ATP6V1H: variants seen among roughly 807,000 people sequenced by gnomAD.
ATP6V1H encodes the protein ATPase H+ transporting V1 subunit H.
ATP6V1H carries 39 observed loss-of-function variants against 71.7 expected under a neutral mutation model. The observed-to-expected ratio is 0.54, with a 90% CI of 0.42 to 0.71. The LOEUF (loss-of-function observed/expected upper bound fraction) is 0.71, where lower values mean the gene tolerates loss of function less well. Among genes scored for constraint, ATP6V1H ranks in the 30% least tolerant of loss-of-function variants. The pLI is 0.00. For synonymous variants in ATP6V1H, 192 were observed against 199.3 expected (o/e 0.96, Z 0.31); for missense variants, 509 against 594.9 (o/e 0.86, Z 1.50).
At chr8:53,792,801 T>C (rs1809610544) in intron 9 of ATP6V1H, among the ~76,000 whole-genome samples, 1 of 152,280 alleles carries the variant, frequency 6.6e-6, no homozygotes, top group Non-Finnish European at 1.5e-5. Flanking sequence ...ACTTAATAAA[T>C]TTTAACAATT....
intron 2 of ATP6V1H, among the ~76,000 whole-genome samples, chr8:53,836,079 C>T (rs1811149687): frequency 6.6e-6 from 1 of 152,162 alleles, no homozygotes; most frequent in South Asian, 2.1e-4. Context: ...AAGCACTTCA[C>T]GTACCGGTCA....
At chr8:53,814,336 C>G (rs1327569012) in intron 6 of ATP6V1H, among the ~76,000 whole-genome samples, 2 of 152,080 alleles carry the variant, frequency 1.3e-5, no homozygotes, top group African/African-American at 4.8e-5. Context: ...CGCACGTGCT[C>G]TTTGGAGCTG....
intron 2 of ATP6V1H, among the ~76,000 whole-genome samples, chr8:53,836,559 T>C (rs1325788473): frequency 1.3e-5 from 2 of 152,082 alleles, no homozygotes; most frequent in Non-Finnish European, 2.9e-5. Context: ...ACTACTCTCC[T>C]CTCTACTTCC....
chr8:53,841,490 CT>C, intron 2 of ATP6V1H, 87 bp downstream of exon 2: 1 of 1,408,438 alleles, frequency 7.1e-7, no homozygotes, highest in East Asian at 2.3e-5. Context: ...AGTATTTTCC[CT>C]GTATTTCTCT....
chr8:53,724,655 T>A (rs1410207594), intron 13 of ATP6V1H, among the ~76,000 whole-genome samples: 1 of 141,720 alleles, frequency 7.1e-6, no homozygotes. Context: ...GGCAGTGCGC[T>A]GAGCTGAAGA....
At chr8:53,777,277 C>G (rs1289149782) in intron 9 of ATP6V1H, among the ~76,000 whole-genome samples, 1 of 152,054 alleles carries the variant, frequency 6.6e-6, no homozygotes, top group East Asian at 1.9e-4. Context: ...ACATCAAAGT[C>G]AATCTTCAGA....
chr8:53,778,499 C>T (rs1808972495), intron 9 of ATP6V1H, among the ~76,000 whole-genome samples: 1 of 152,154 alleles, frequency 6.6e-6, no homozygotes, highest in Non-Finnish European at 1.5e-5. Context: ...CCCTGGTACC[C>T]TTCTCAGCCT....
chr8:53,841,623 G>T lies in ATP6V1H; in HGVS notation c.68C>A (p.Ala23Asp). Residue 23 changes from alanine (A) to aspartate (D), a missense_variant, in exon 2 of 14, where the codon GCT becomes GAT. Coordinates refer to ENST00000359530, the MANE Select transcript of ATP6V1H (RefSeq NM_015941.4). ...AVPTNIIAAK[A>D]AEVRANKVNW... is the part of the protein sequence containing the mutation. ...GACTTTGTTTGCACGAACTTCTGCA[G>T]CCTTGGCAGCAATAATATTGGTGGG... 1.2e-6 allele frequency: 2 copies of T among 1,614,160 alleles called. No homozygotes were observed. Among genetic ancestry groups the T allele is most frequent in the Non-Finnish European group, 1.7e-6 (2 of 1,179,996 alleles).
chr8:53,791,191 T>G (rs1235396800), intron 9 of ATP6V1H, among the ~76,000 whole-genome samples: 2 of 152,108 alleles, frequency 1.3e-5, no homozygotes, highest in Non-Finnish European at 2.9e-5. Flanking sequence ...AGTGAACAAA[T>G]TTAAAAGAAG....
intron 11 of ATP6V1H, among the ~76,000 whole-genome samples, chr8:53,764,369 C>T (rs895015701): frequency 2.6e-5 from 4 of 152,106 alleles, no homozygotes; most frequent in South Asian, 2.1e-4. Context: ...GCAAGGCTAG[C>T]GTAATATTTG....
intron 13 of ATP6V1H, among the ~76,000 whole-genome samples, chr8:53,728,947 A>G (rs1324860563): frequency 6.6e-6 from 1 of 152,258 alleles, no homozygotes; most frequent in Non-Finnish European, 1.5e-5. Context: ...GCAGAAACGT[A>G]CATCACCATA....
chr8:53,811,071 G>T (rs1274338149), intron 7 of ATP6V1H, 93 bp downstream of exon 7: 2 of 964,240 alleles, frequency 2.1e-6, no homozygotes, highest in Admixed American at 2.1e-5. Context: ...ATTTATAGTT[G>T]GGGAACTAGT....
intron 4 of ATP6V1H, among the ~76,000 whole-genome samples, chr8:53,819,412 G>A (rs1395090873): frequency 3.3e-5 from 5 of 149,684 alleles, no homozygotes; most frequent in Admixed American, 3.3e-4. Context: ...TGTGCCTGTA[G>A]TCTCAGCTAC....
At chr8:53,766,143 C>T (rs1808454268) in intron 11 of ATP6V1H, among the ~76,000 whole-genome samples, 1 of 152,312 alleles carries the variant, frequency 6.6e-6, no homozygotes, top group East Asian at 1.9e-4. Flanking sequence ...AAGTCAGGGA[C>T]CCCAAACGGA....
At chr8:53,790,256 C>A (rs1171454588) in intron 9 of ATP6V1H, among the ~76,000 whole-genome samples, 1 of 152,154 alleles carries the variant, frequency 6.6e-6, no homozygotes, top group Non-Finnish European at 1.5e-5. Flanking sequence ...GATGGCAATT[C>A]CCTTGTAAAT....
At chr8:53,725,167 C>T (rs558459104) in intron 13 of ATP6V1H, among the ~76,000 whole-genome samples, 6 of 152,080 alleles carry the variant, frequency 3.9e-5, no homozygotes, top group African/African-American at 1.4e-4. Context: ...CCCTCATGAT[C>T]GGATTAATCC....
chr8:53,757,042 T>C (rs1053907673), intron 11 of ATP6V1H, among the ~76,000 whole-genome samples: 1 of 152,222 alleles, frequency 6.6e-6, no homozygotes, highest in Non-Finnish European at 1.5e-5. Context: ...CAGTGCTCGA[T>C]GATAAGAGGG....
intron 4 of ATP6V1H, among the ~76,000 whole-genome samples, chr8:53,818,230 A>G (rs187638270): frequency 1.0e-3 from 152 of 152,344 alleles, no homozygotes; most frequent in African/African-American, 3.3e-3. Flanking sequence ...CCATATCAGC[A>G]GTAGCAATAC....
chr8:53,771,617 G>T (rs1016123019), intron 10 of ATP6V1H, among the ~76,000 whole-genome samples: 1 of 152,094 alleles, frequency 6.6e-6, no homozygotes, highest in Non-Finnish European at 1.5e-5. Flanking sequence ...CCTTCAAAAA[G>T]CAGGAAAACA....
Sources: allele counts gnomAD v4.1 joint callset (sites outside exome capture counted in the v4.1 genomes callset), GRCh38; gene constraint gnomAD v4.1.1; transcripts MANE v1.5; gene names NCBI Gene and HGNC (gene_info 2026-07-23, HGNC 2026-07-21).